The following RIMS2 variants were observed in gnomAD, a reference collection of about 807,000 sequenced individuals.
The protein encoded by RIMS2 is regulating synaptic membrane exocytosis 2.
In RIMS2, 59 loss-of-function variants were observed where a neutral mutation model predicts 174.4. The ratio of observed to expected loss-of-function variants is 0.34; its 90% confidence interval spans 0.27 to 0.42. The LOEUF is 0.42. Among genes scored for constraint, RIMS2 ranks in the 10% least tolerant of loss-of-function variants. The pLI is 1.00. For missense variants in RIMS2, 1,620 were observed against 1,666.3 expected, an observed-to-expected ratio of 0.97 and a Z score of 0.48; for synonymous variants, 606 against 572.5, an observed-to-expected ratio of 1.06 and a Z score of -0.84.
intron 1 of RIMS2, among the ~76,000 whole-genome samples, chr8:103,607,014 A>G (rs541946360): frequency 5.1e-4 from 78 of 151,638 alleles, no homozygotes; most frequent in African/African-American, 1.6e-3. Flanking sequence ...TAAAGTTAAT[A>G]TTGTTATGTG....
chr8:103,606,298 T>C (rs1448026623), intron 1 of RIMS2, among the ~76,000 whole-genome samples: 4 of 150,782 alleles, frequency 2.7e-5, no homozygotes, highest in Admixed American at 2.0e-4. Flanking sequence ...AGTTTCCATG[T>C]AGTTGAGCAG....
At chr8:104,022,798 T>C (rs2096138893) in intron 19 of RIMS2, among the ~76,000 whole-genome samples, 3 of 152,210 alleles carry the variant, frequency 2.0e-5, no homozygotes, top group African/African-American at 7.2e-5. Flanking sequence ...CACACACTTA[T>C]AAATTTGTTT....
exon 4 of RIMS2, chr8:103,886,104 A>G (rs1565124385): frequency 1.2e-6 from 2 of 1,613,068 alleles, no homozygotes; most frequent in Non-Finnish European, 1.7e-6. Context: ...CATAAATCAA[A>G]GAAAGGCGGT....
At chr8:103,593,864 G>T in intron 1 of RIMS2, among the ~76,000 whole-genome samples, 1 of 150,990 alleles carries the variant, frequency 6.6e-6, no homozygotes, top group Non-Finnish European at 1.5e-5. Flanking sequence ...AAAGTAGATA[G>T]AAATATATAT....
At chr8:103,737,698 T>A (rs2097704698) in intron 2 of RIMS2, among the ~76,000 whole-genome samples, 2 of 152,158 alleles carry the variant, frequency 1.3e-5, no homozygotes, top group African/African-American at 4.8e-5. Context: ...TCCCCTCAGG[T>A]ATTTCTGTTC....
intron 1 of RIMS2, among the ~76,000 whole-genome samples, chr8:103,594,082 C>T (rs2094385530): frequency 6.6e-6 from 1 of 151,492 alleles, no homozygotes; most frequent in Admixed American, 6.6e-5. Context: ...TTAATACTTA[C>T]AGCACTTTCA....
At chr8:104,245,085 C>T in intron 20 of RIMS2, 28 bp downstream of exon 26, 3 of 1,609,704 alleles carry the variant, frequency 1.9e-6, no homozygotes, top group Non-Finnish European at 2.5e-6. Flanking sequence ...TGATGTGTGT[C>T]TCCTCCGTGC....
intron 1 of RIMS2, among the ~76,000 whole-genome samples, chr8:103,651,194 C>G (rs1425005347): frequency 1.3e-5 from 2 of 152,242 alleles, no homozygotes; most frequent in Non-Finnish European, 2.9e-5. Flanking sequence ...CACACAATCA[C>G]TGACAGCTTC....
At position 103,624,144 on chromosome 8, in the gene RIMS2, C is replaced by T. The variant is rs984084461; in HGVS notation, c.177-72942C>T. ...GTCAACTTGACTGGCCAAGGGGGGC[C>T]CAGATTAAACATTATCTTGAGGTGT... On this transcript the variant is annotated intron_variant, in intron 1 of 23. Transcript: ENST00000504942. Among the ~76,000 whole-genome samples, 34 of 152,222 alleles carry T rather than the reference C, an allele frequency of 2.2e-4. 1 individual carries two copies. The highest frequency in any genetic ancestry group is 3.4e-3 in the Middle Eastern group (1 of 294).
At chr8:103,863,020 A>G (rs2099066539) in intron 3 of RIMS2, among the ~76,000 whole-genome samples, 1 of 152,116 alleles carries the variant, frequency 6.6e-6, no homozygotes, top group South Asian at 2.1e-4. Context: ...AAATGGTGAT[A>G]GTGGACATCC....
At chr8:104,146,871 C>T (rs2098644850) in intron 19 of RIMS2, among the ~76,000 whole-genome samples, 1 of 151,792 alleles carries the variant, frequency 6.6e-6, no homozygotes, top group African/African-American at 2.4e-5. Context: ...TAATTTTTTA[C>T]TTTTTTGTAA....
At chr8:104,001,459 A>G (rs1341223620) in intron 17 of RIMS2, among the ~76,000 whole-genome samples, 1 of 152,160 alleles carries the variant, frequency 6.6e-6, no homozygotes, top group Non-Finnish European at 1.5e-5. Context: ...ATGTAATAAC[A>G]TGAACATCCT....
chr8:104,107,956 G>A (rs905244869), intron 19 of RIMS2, among the ~76,000 whole-genome samples: 2 of 138,228 alleles, frequency 1.4e-5, no homozygotes, highest in African/African-American at 5.3e-5. Context: ...AGTCCAGGTG[G>A]TCTTTCCCCT....
chr8:103,610,336 T>C (rs556039579), intron 1 of RIMS2, among the ~76,000 whole-genome samples: 68 of 152,324 alleles, frequency 4.5e-4, no homozygotes, highest in Non-Finnish European at 7.3e-4. Context: ...TTTTCATGTC[T>C]CATTGCTCTG....
intron 1 of RIMS2, among the ~76,000 whole-genome samples, chr8:103,685,451 C>T (rs936030078): frequency 6.6e-6 from 1 of 152,244 alleles, no homozygotes; most frequent in Non-Finnish European, 1.5e-5. Flanking sequence ...GATCCACCCC[C>T]ATGACCCAGA....
intron 3 of RIMS2, among the ~76,000 whole-genome samples, chr8:103,801,643 C>G (rs150626818): frequency 1.3e-3 from 203 of 152,250 alleles, no homozygotes; most frequent in African/African-American, 4.5e-3. Context: ...TCAGGCTGGA[C>G]TTAGTGACTT....
chr8:104,193,908 C>A (rs1378529646), intron 19 of RIMS2, among the ~76,000 whole-genome samples: 2 of 152,102 alleles, frequency 1.3e-5, no homozygotes, highest in African/African-American at 4.8e-5. Flanking sequence ...ATTATAAAAT[C>A]TTGCTAGCTG....
chr8:104,221,182 C>A (rs7818442), intron 19 of RIMS2, among the ~76,000 whole-genome samples: 20,387 of 152,004 alleles, frequency 0.13, 1,829 homozygotes, highest in African/African-American at 0.25. Flanking sequence ...TATTTTATTA[C>A]ATTAGATTCA....
chr8:103,581,652 G>A (rs529965577), intron 1 of RIMS2, among the ~76,000 whole-genome samples: 22 of 152,274 alleles, frequency 1.4e-4, no homozygotes, highest in African/African-American at 4.8e-4. Context: ...AGGAAATTAA[G>A]GACATTCAAA....
Sources: allele counts gnomAD v4.1 joint callset (sites outside exome capture counted in the v4.1 genomes callset), GRCh38; gene constraint gnomAD v4.1.1; transcripts MANE v1.5; gene names NCBI Gene and HGNC (gene_info 2026-07-23, HGNC 2026-07-21).